The following UHRF2 variants were observed in gnomAD, a reference collection of about 807,000 sequenced individuals.
The protein encoded by UHRF2 is ubiquitin like with PHD and ring finger domains 2.
A neutral mutation model predicts 96.8 loss-of-function variants in UHRF2; 23 were observed. That is an observed-to-expected ratio of 0.24 (90% confidence interval 0.17 to 0.34). The LOEUF is 0.34. Among genes scored for constraint, UHRF2 ranks in the 10% least tolerant of loss-of-function variants. UHRF2 has a pLI of 1.00. For missense variants in UHRF2, 685 were observed against 981.5 expected (o/e 0.70, Z 4.04); for synonymous variants, 385 against 332.6 (o/e 1.16, Z -1.72).
At chr9:6,435,288 C>G (rs1435332276) in intron 3 of UHRF2, among the ~76,000 whole-genome samples, 1 of 152,110 alleles carries the variant, frequency 6.6e-6, no homozygotes, top group Non-Finnish European at 1.5e-5. Context: ...GCCACCACAC[C>G]TGGCCGGCTA....
chr9:6,498,640 TG>T (rs2130964295), intron 12 of UHRF2: 1 of 154,258 alleles, frequency 6.5e-6, no homozygotes, highest in Non-Finnish European at 1.4e-5. Flanking sequence ...CCACCTTTAG[TG>T]CTTTGTCTTT....
At chr9:6,458,319 C>T (rs1430021035) in intron 3 of UHRF2, among the ~76,000 whole-genome samples, 1 of 152,134 alleles carries the variant, frequency 6.6e-6, no homozygotes, top group Non-Finnish European at 1.5e-5. Context: ...GTTTGTATTT[C>T]TGTGGGATCA....
intron 1 of UHRF2, among the ~76,000 whole-genome samples, chr9:6,418,861 G>C (rs1292736520): frequency 1.3e-5 from 2 of 152,180 alleles, no homozygotes; most frequent in Admixed American, 1.3e-4. Flanking sequence ...AGTTCTAGAG[G>C]TCTAGCAAGG....
chr9:6,432,682 T>C (rs1242689285), intron 2 of UHRF2, among the ~76,000 whole-genome samples: 1 of 152,212 alleles, frequency 6.6e-6, no homozygotes, highest in Non-Finnish European at 1.5e-5. Flanking sequence ...AGGTATGCCA[T>C]CTATTAGACA....
In UHRF2 at chr9:6,477,657, G is replaced by A; in HGVS notation, c.1009G>A (p.Asp337Asn). Residue 337 changes from aspartate to asparagine, a missense_variant, in exon 6 of 16, where the codon GAC becomes AAC. Physicochemically the swap from Asp to Asn is conservative, Grantham distance 23. Around this residue, in one of 6 missense-constraint regions of UHRF2, gnomAD observed 391 missense variants for 437.0 expected, o/e 0.89. Transcript: ENST00000276893. Reference sequence around the variant, plus strand: ...CCCTGAATGTGACCTGTGTGGTGGAGACCCAGAAAAGAAATGTCATTCTTG... The same window carrying A: ...CCCTGAATGTGACCTGTGTGGTGGAAACCCAGAAAAGAAATGTCATTCTTG... ...NDPECDLCGG[D>N]PEKKCHSCSC... is the part of the protein sequence containing the mutation. 6.2e-7 allele frequency: 1 copy of A among 1,613,980 alleles called. No homozygotes were observed. Among genetic ancestry groups the A allele is most frequent in the Non-Finnish European group, 8.5e-7 (1 of 1,179,922 alleles).
intron 3 of UHRF2, among the ~76,000 whole-genome samples, chr9:6,436,694 A>T (rs1275027577): frequency 6.6e-6 from 1 of 152,234 alleles, no homozygotes. Context: ...AAGACTATCC[A>T]ATGGATAGGA....
chr9:6,496,811 T>TA (rs981570372), intron 10 of UHRF2: 2 of 159,352 alleles, frequency 1.3e-5, no homozygotes, highest in African/African-American at 4.8e-5. Context: ...CAATTCACCT[T>TA]ACACCCTTAC....
At chr9:6,418,444 A>C (rs767841748) in intron 1 of UHRF2, among the ~76,000 whole-genome samples, 12 of 151,942 alleles carry the variant, frequency 7.9e-5, no homozygotes, top group Non-Finnish European at 1.5e-4. Context: ...CCCTTGTTCT[A>C]CTTGACAAAT....
intron 3 of UHRF2, among the ~76,000 whole-genome samples, chr9:6,440,538 A>G (rs1055695122): frequency 4.6e-5 from 7 of 152,276 alleles, no homozygotes; most frequent in African/African-American, 1.7e-4. Flanking sequence ...TTTTATATAA[A>G]TATTTAATTG....
At chr9:6,419,327 G>A (rs1460947053) in intron 1 of UHRF2, among the ~76,000 whole-genome samples, 1 of 152,124 alleles carries the variant, frequency 6.6e-6, no homozygotes, top group Admixed American at 6.5e-5. Flanking sequence ...CAAAATATGG[G>A]TGGGTTGCAA....
Position 6,413,300 on chromosome 9 carries a change from C to A in UHRF2, c.-191C>A, listed in dbSNP as rs1300690702. On this transcript the variant is annotated 5_prime_UTR_variant, in exon 1 of 16. Transcript: ENST00000276893. ...TGGTTCCGGTCGTCTCTCCTCAAGT[C>A]GGCTAGTCGGGCGCGCGCGCTGAGA... The A allele has an allele frequency of 6.4e-6, 2 of 310,646 alleles. No individual in the cohort carries two copies. The highest frequency in any genetic ancestry group is 1.0e-5 in the Non-Finnish European group (2 of 191,178). 19.2% of individuals were successfully genotyped at this position (310,646 alleles called of 1,614,324 possible).
At chr9:6,423,940 G>A (rs1019299510) in intron 2 of UHRF2, among the ~76,000 whole-genome samples, 1 of 148,340 alleles carries the variant, frequency 6.7e-6, no homozygotes, top group Non-Finnish European at 1.5e-5. Context: ...GTGAGACTCA[G>A]TATCAAAAAA....
intron 8 of UHRF2, 148 bp from the exon 9 acceptor site, chr9:6,486,673 A>G (rs190665914): frequency 1.9e-5 from 13 of 669,492 alleles, no homozygotes; most frequent in Admixed American, 8.7e-5. Context: ...TTTAGGTACC[A>G]GGAGATTTAA....
chr9:6,427,101 A>C (rs1408591509), intron 2 of UHRF2, among the ~76,000 whole-genome samples: 1 of 152,176 alleles, frequency 6.6e-6, no homozygotes, highest in Non-Finnish European at 1.5e-5. Context: ...CCATAGTGCA[A>C]GTCTGAGTAG....
chr9:6,501,074 A>G (rs538021956), intron 14 of UHRF2, among the ~76,000 whole-genome samples: 5 of 152,218 alleles, frequency 3.3e-5, no homozygotes, highest in Non-Finnish European at 7.3e-5. Flanking sequence ...AGTTCAGCAC[A>G]ATTTTCAAAA....
chr9:6,491,690 G>T (rs920184675), intron 9 of UHRF2, among the ~76,000 whole-genome samples: 2 of 152,178 alleles, frequency 1.3e-5, no homozygotes, highest in African/African-American at 4.8e-5. Context: ...TTAGCAGCTT[G>T]GGAGAAGAAT....
At chr9:6,476,675 A>C (rs1048807448) in intron 5 of UHRF2, among the ~76,000 whole-genome samples, 2 of 151,914 alleles carry the variant, frequency 1.3e-5, no homozygotes, top group African/African-American at 4.8e-5. Flanking sequence ...GCTCACTGCA[A>C]CCTCTGCCTC....
intron 3 of UHRF2, among the ~76,000 whole-genome samples, chr9:6,447,344 C>A (rs774705643): frequency 3.9e-5 from 6 of 152,092 alleles, no homozygotes; most frequent in Admixed American, 1.3e-4. Context: ...CATTTGTGGG[C>A]CTGGTCTCTC....
At chr9:6,436,459 T>C (rs1268116982) in intron 3 of UHRF2, among the ~76,000 whole-genome samples, 1 of 152,194 alleles carries the variant, frequency 6.6e-6, no homozygotes, top group Non-Finnish European at 1.5e-5. Context: ...TCAAAACAGG[T>C]AAATAAGTAG....
Sources: allele counts gnomAD v4.1 joint callset (sites outside exome capture counted in the v4.1 genomes callset), GRCh38; gene constraint gnomAD v4.1.1; regional missense constraint gnomAD v4.1.1; transcripts MANE v1.5; gene names NCBI Gene and HGNC (gene_info 2026-07-23, HGNC 2026-07-21).